TMEM132B: variants seen among roughly 807,000 people sequenced by gnomAD.
The protein encoded by TMEM132B is transmembrane protein 132B.
Under a neutral mutation model 90.8 loss-of-function variants are expected in TMEM132B, and 18 were observed. The ratio of observed to expected loss-of-function variants is 0.20; its 90% CI spans 0.14 to 0.29. The LOEUF is 0.29. Among genes scored for constraint, TMEM132B ranks in the 10% least tolerant of loss-of-function variants. The pLI, the probability that TMEM132B is intolerant of heterozygous loss-of-function variation, is 1.00. For synonymous variants in TMEM132B, 504 were observed against 523.3 expected (o/e 0.96, Z 0.50); for missense variants, 1,096 against 1,326.8 (o/e 0.83, Z 2.70).
chr12:125,344,925 G>A (rs551614678), intron 1 of TMEM132B, among the ~76,000 whole-genome samples: 3 of 152,202 alleles, frequency 2.0e-5, no homozygotes, highest in South Asian at 2.1e-4. Flanking sequence ...CCATTCCGCC[G>A]CCGCCAGAGA....
intron 5 of TMEM132B, among the ~76,000 whole-genome samples, chr12:125,606,314 CTTTTTTTT>C (rs368313402): frequency 7.7e-6 from 1 of 129,622 alleles, no homozygotes; most frequent in Non-Finnish European, 1.7e-5. Flanking sequence ...GATTTCTTTC[CTTTTTTTT>C]TTTTTTTTTG....
intron 5 of TMEM132B, among the ~76,000 whole-genome samples, chr12:125,620,256 T>C (rs1886087131): frequency 6.6e-6 from 1 of 152,398 alleles, no homozygotes; most frequent in Non-Finnish European, 1.5e-5. Flanking sequence ...ATACATTTAT[T>C]TTAATGTACT....
In TMEM132B at chr12:125,246,611, C is replaced by T. The variant is rs182867339; in HGVS notation, c.67+59745C>T. On this transcript the variant is annotated intron_variant, in intron 1 of 8. Coordinates refer to ENST00000682704, the MANE Select transcript of TMEM132B (RefSeq NM_001366854.1). This position sits in a 1 kb window ranked among gnomAD's most constrained non-coding sequence, Gnocchi z 4.2. ...CAGGACAAGTTCAGCGTCTCCAGCA[C>T]ACACAGTGCCATTTAAAGAGGAAGC... Among the ~76,000 whole-genome samples the T allele has an allele frequency of 2.4e-3, 366 of 152,360 alleles. 1 individual carries two copies. The highest frequency in any genetic ancestry group is 5.2e-3 in the Admixed American group (79 of 15,312).
intron 3 of TMEM132B, among the ~76,000 whole-genome samples, chr12:125,417,855 A>G (rs1349851308): frequency 6.6e-6 from 1 of 152,156 alleles, no homozygotes; most frequent in Non-Finnish European, 1.5e-5. Flanking sequence ...TGTTTGGCAT[A>G]ACTTAGATTG....
At chr12:125,224,586 C>T (rs1047224107) in intron 1 of TMEM132B, among the ~76,000 whole-genome samples, 3 of 152,210 alleles carry the variant, frequency 2.0e-5, no homozygotes, top group East Asian at 1.9e-4. Context: ...ATTGGAGCTG[C>T]CCAGGCAGAC....
At chr12:125,203,319 A>C (rs985248319) in intron 1 of TMEM132B, among the ~76,000 whole-genome samples, 1 of 152,196 alleles carries the variant, frequency 6.6e-6, no homozygotes, top group African/African-American at 2.4e-5. Context: ...GCTGAATGTC[A>C]AAGACAAAAA....
chr12:125,570,722 T>C (rs971002628), intron 4 of TMEM132B, among the ~76,000 whole-genome samples: 2 of 152,202 alleles, frequency 1.3e-5, no homozygotes, highest in Non-Finnish European at 2.9e-5. Context: ...AATCAGTATT[T>C]AAATTGGAGC....
At chr12:125,380,733 G>A (rs1878656268) in intron 2 of TMEM132B, among the ~76,000 whole-genome samples, 1 of 152,212 alleles carries the variant, frequency 6.6e-6, no homozygotes, top group Admixed American at 6.5e-5. Flanking sequence ...TAGAAGATTG[G>A]AAGCAAGAGG....
intron 3 of TMEM132B, among the ~76,000 whole-genome samples, chr12:125,514,937 AG>A (rs1429081733): frequency 6.6e-6 from 1 of 152,162 alleles, no homozygotes; most frequent in East Asian, 1.9e-4. Flanking sequence ...GTGCACTAAA[AG>A]GTGCCTCAGC....
intron 2 of TMEM132B, among the ~76,000 whole-genome samples, chr12:125,375,972 C>A (rs1878468220): frequency 2.0e-5 from 3 of 152,216 alleles, no homozygotes; most frequent in Non-Finnish European, 4.4e-5. Flanking sequence ...TGTAGGTATT[C>A]CGGTACCACT....
At chr12:125,555,978 T>C (rs1884375841) in intron 4 of TMEM132B, among the ~76,000 whole-genome samples, 1 of 152,224 alleles carries the variant, frequency 6.6e-6, no homozygotes. Flanking sequence ...ACCTGCTGTC[T>C]TGGGTGTCTG....
intron 2 of TMEM132B, among the ~76,000 whole-genome samples, chr12:125,414,168 T>C (rs10846884): frequency 0.39 from 59,262 of 152,068 alleles, 11,979 homozygotes; most frequent in South Asian, 0.58. Flanking sequence ...AGACCTTTGC[T>C]GAGTTTTTAA....
intron 1 of TMEM132B, chr12:125,326,807 C>T: frequency 1.2e-6 from 1 of 857,912 alleles, no homozygotes. Flanking sequence ...GTTCTCCGTG[C>T]ACCCCTTCCT....
chr12:125,478,405 GT>G (rs1881946618), intron 3 of TMEM132B, among the ~76,000 whole-genome samples: 1 of 152,210 alleles, frequency 6.6e-6, no homozygotes, highest in South Asian at 2.1e-4. Context: ...AATAAACAGT[GT>G]AGAGAAGACC....
intron 1 of TMEM132B, among the ~76,000 whole-genome samples, chr12:125,263,840 A>G (rs1874625071): frequency 6.6e-6 from 1 of 152,202 alleles, no homozygotes; most frequent in African/African-American, 2.4e-5. Context: ...AGATGTAGAA[A>G]GTCACAACCA....
chr12:125,426,070 G>C (rs1447244864), intron 3 of TMEM132B, among the ~76,000 whole-genome samples: 1 of 152,184 alleles, frequency 6.6e-6, no homozygotes, highest in East Asian at 1.9e-4. Context: ...AATCAGCAGT[G>C]AATGAGACTT....
rs1189346805 is a variant in TMEM132B at position 125,406,799 on chromosome 12, G to C, written c.960-8732G>C. 1.3e-5 allele frequency among the ~76,000 whole-genome samples: 2 copies of C among 152,252 alleles called. No homozygotes were observed. The highest frequency in any genetic ancestry group is 3.9e-4 in the East Asian group (2 of 5,174). On this transcript the variant is annotated intron_variant, in intron 2 of 8. Transcript: ENST00000682704. This position sits in a 1 kb window ranked among gnomAD's most constrained non-coding sequence, Gnocchi z 8.3. The stretch of plus-strand genomic sequence containing the variant: ...GTCCCCAAGACCACCCTCAGGTTCA[G>C]TAATTTTCTAGAAGGACTCAAAGAA...
intron 2 of TMEM132B, among the ~76,000 whole-genome samples, chr12:125,409,598 AGGAGT>A (rs769812681): frequency 0.026 from 2,433 of 92,726 alleles, 198 homozygotes; most frequent in African/African-American, 0.11. Context: ...AGTGGAGTGG[AGGAGT>A]GGAGTGGAGT....
Position 125,213,402 on chromosome 12 carries a change from G to T in TMEM132B, c.67+26536G>T, listed in dbSNP as rs1301726352. On this transcript the variant is annotated intron_variant, in intron 1 of 8. Transcript: ENST00000682704. This position sits in a 1 kb window ranked among gnomAD's most constrained non-coding sequence, Gnocchi z 4.2. ...TGAGAACATTTGTGTACAAGTATTT[G>T]TTTGAGCACCTGTTTTCATTCTTTC... Among the ~76,000 whole-genome samples, 2 of 152,154 alleles carry T rather than the reference G, an allele frequency of 1.3e-5. No homozygotes were observed. The highest frequency in any genetic ancestry group is 3.8e-4 in the East Asian group (2 of 5,200).
Sources: allele counts gnomAD v4.1 joint callset (sites outside exome capture counted in the v4.1 genomes callset), GRCh38; gene constraint gnomAD v4.1.1; non-coding constraint Gnocchi (gnomAD v3.1); transcripts MANE v1.5; gene names NCBI Gene and HGNC (gene_info 2026-07-23, HGNC 2026-07-21).